Variants in CLASP1 observed in about 807,000 individuals in gnomAD.
CLASP1 encodes cytoplasmic linker associated protein 1, also known as CLIP-associating protein 1.
In CLASP1, 38 loss-of-function variants were observed where a neutral mutation model predicts 192.3. The observed-to-expected ratio is 0.20, with a 90% CI of 0.15 to 0.26. CLASP1 has a LOEUF of 0.26. Among genes scored for constraint, CLASP1 ranks in the 10% least tolerant of loss-of-function variants. The probability of loss-of-function intolerance (pLI) is 1.00; values close to 1 mark genes in which losing one functional copy is unlikely to be tolerated. For missense variants in CLASP1, 1,433 were observed against 1,932.5 expected (o/e 0.74, Z 4.85); for synonymous variants, 691 against 712.8 (o/e 0.97, Z 0.49).
intron 8 of CLASP1, among the ~76,000 whole-genome samples, chr2:121,480,082 C>G (rs988449379): frequency 2.0e-5 from 3 of 152,156 alleles, no homozygotes; most frequent in Non-Finnish European, 4.4e-5. Context: ...TTAAGACGAT[C>G]TCAACAATGA....
At chr2:121,529,948 G>C (rs993044960) in intron 3 of CLASP1, among the ~76,000 whole-genome samples, 1 of 152,172 alleles carries the variant, frequency 6.6e-6, no homozygotes, top group Non-Finnish European at 1.5e-5. Flanking sequence ...ACTAAGTTCC[G>C]TGTGAGAACA....
At chr2:121,451,915 TTCTTAAGTGACC>T (rs2085561085) in intron 14 of CLASP1, 66 bp from the exon 15 acceptor site, 2 of 1,080,764 alleles carry the variant, frequency 1.9e-6, no homozygotes, top group African/African-American at 3.2e-5. Flanking sequence ...AACGGCATTT[TTCTTAAGTGACC>T]CAATACTATT....
At chr2:121,391,635 C>T (rs1437244777) in intron 30 of CLASP1, among the ~76,000 whole-genome samples, 1 of 152,166 alleles carries the variant, frequency 6.6e-6, no homozygotes, top group East Asian at 1.9e-4. Flanking sequence ...CGTGGTGGCT[C>T]ACACCTGTAA....
chr2:121,615,861 A>C (rs1370207354), intron 1 of CLASP1, among the ~76,000 whole-genome samples: 1 of 152,226 alleles, frequency 6.6e-6, no homozygotes, highest in Non-Finnish European at 1.5e-5. Context: ...CTAAGGTTTT[A>C]AAACTAATAG....
chr2:121,358,049 A>G (rs1488500601), intron 37 of CLASP1, among the ~76,000 whole-genome samples: 2 of 152,228 alleles, frequency 1.3e-5, no homozygotes, highest in African/African-American at 2.4e-5. Flanking sequence ...TGAAGACTAC[A>G]GTACACCACT....
intron 34 of CLASP1, among the ~76,000 whole-genome samples, chr2:121,373,748 G>A (rs747507496): frequency 7.9e-5 from 12 of 152,230 alleles, no homozygotes; most frequent in Non-Finnish European, 1.2e-4. Context: ...GAAGTTGAGA[G>A]AGATGATTTA....
chr2:121,434,811 G>A (rs898470321), intron 19 of CLASP1, among the ~76,000 whole-genome samples: 1 of 150,784 alleles, frequency 6.6e-6, no homozygotes, highest in East Asian at 2.0e-4. Flanking sequence ...GCAACATGGA[G>A]AGACTGTCTC....
At chr2:121,449,754 A>G (rs1237368036) in intron 16 of CLASP1, among the ~76,000 whole-genome samples, 1 of 152,238 alleles carries the variant, frequency 6.6e-6, no homozygotes, top group Non-Finnish European at 1.5e-5. Flanking sequence ...CAAACACTTC[A>G]TAGTTATAAT....
At chr2:121,494,776 T>A (rs1032007004) in intron 8 of CLASP1, among the ~76,000 whole-genome samples, 1 of 152,170 alleles carries the variant, frequency 6.6e-6, no homozygotes, top group African/African-American at 2.4e-5. Context: ...ATCCCAGCAC[T>A]TTGGGAGGCC....
At chr2:121,416,340 C>T (rs920996075) in intron 23 of CLASP1, among the ~76,000 whole-genome samples, 1 of 152,186 alleles carries the variant, frequency 6.6e-6, no homozygotes, top group Non-Finnish European at 1.5e-5. Context: ...TTCATACCAT[C>T]AAAATGGTCC....
At chr2:121,599,165 AT>A (rs958704387) in intron 2 of CLASP1, among the ~76,000 whole-genome samples, 18 of 150,018 alleles carry the variant, frequency 1.2e-4, no homozygotes, top group African/African-American at 4.2e-4. Context: ...ACCTGGCCGT[AT>A]TTTTTTTTAA....
intron 6 of CLASP1, among the ~76,000 whole-genome samples, chr2:121,518,095 G>C (rs1001949775): frequency 2.0e-5 from 3 of 150,840 alleles, no homozygotes; most frequent in Non-Finnish European, 4.4e-5. Flanking sequence ...GCTGGGCGTG[G>C]TGGCACACAC....
At chr2:121,575,522 A>C (rs1158831555) in intron 2 of CLASP1, among the ~76,000 whole-genome samples, 2 of 152,158 alleles carry the variant, frequency 1.3e-5, no homozygotes, top group Non-Finnish European at 2.9e-5. Context: ...CACAAAGTAA[A>C]AGGGAGAAAG....
In CLASP1 at chr2:121,449,728, A is replaced by C. The variant is rs570228953; in HGVS notation, c.1524-608T>G. ...ATCACTTATTTTGGTAGAAACTAGC[A>C]AAGAAAAAATTGGCACAAACACTTC... On this transcript the variant is annotated intron_variant, in intron 16 of 39. Coordinates refer to ENST00000263710, the Ensembl canonical transcript of CLASP1. 2.0e-5 allele frequency among the ~76,000 whole-genome samples: 3 copies of C among 152,330 alleles called. No homozygotes were observed. In the East Asian group the frequency reaches 5.8e-4, roughly 29 times the overall value.
At chr2:121,385,393 T>A (rs757592702) in intron 32 of CLASP1, among the ~76,000 whole-genome samples, 1 of 152,228 alleles carries the variant, frequency 6.6e-6, no homozygotes, top group Admixed American at 6.5e-5. Context: ...AGACCACACA[T>A]GAACTACTGA....
rs1285034693 is a variant in CLASP1, at chr2:121,610,842, A to G, written c.-285-4662T>C. On this transcript the variant is annotated intron_variant, in intron 1 of 39. Transcript: ENST00000263710. ...AGGAAGAGTTACAGGAGGAAGAGGA[A>G]CTGGAGGAGGAGGAGGAGTTACAGG... 5.1e-3 allele frequency among the ~76,000 whole-genome samples: 657 copies of G among 128,790 alleles called. 4 individuals are homozygous for G. Among genetic ancestry groups the G allele is most frequent in the African/African-American group, 8.2e-3 (266 of 32,354 alleles). The allele number at this position is 128,790 out of a possible 152,430, so 84.5% of individuals were successfully genotyped here.
chr2:121,398,820 G>A (rs2075713226), intron 28 of CLASP1, among the ~76,000 whole-genome samples: 1 of 152,000 alleles, frequency 6.6e-6, no homozygotes, highest in African/African-American at 2.4e-5. Context: ...TAAACTAACC[G>A]TATCATCCTC....
At chr2:121,394,358 G>A in intron 30 of CLASP1, among the ~76,000 whole-genome samples, 1 of 152,204 alleles carries the variant, frequency 6.6e-6, no homozygotes. Context: ...CTCCATTTCT[G>A]AAGAAGAGTT....
chr2:121,348,566 G>C, exon 38 of CLASP1: 1 of 1,613,476 alleles, frequency 6.2e-7, no homozygotes, highest in Non-Finnish European at 8.5e-7. Flanking sequence ...ACTCCTTTGC[G>C]ATCCTCTCGA....
Sources: gnomAD v4.1 joint callset for allele counts (sites outside exome capture counted in the v4.1 genomes callset) on GRCh38, gnomAD v4.1.1 for gene constraint, MANE v1.5 for transcripts, NCBI Gene and HGNC (gene_info 2026-07-23, HGNC 2026-07-21) for gene names.